The following TMEM163 variants were observed in gnomAD, a reference collection of about 807,000 sequenced individuals.
TMEM163 encodes the protein transmembrane protein 163.
TMEM163 carries 17 observed loss-of-function variants against 29.3 expected under a neutral mutation model. The observed-to-expected ratio is 0.58, with a 90% CI of 0.40 to 0.87. The LOEUF (loss-of-function observed/expected upper bound fraction) is 0.87, where lower values mean the gene tolerates loss of function less well. Among genes scored for constraint, TMEM163 ranks in the 40% least tolerant of loss-of-function variants. TMEM163 has a pLI of 0.00. For missense variants in TMEM163, 303 were observed against 381.5 expected, an observed-to-expected ratio of 0.79 and a Z score of 1.71; for synonymous variants, 157 against 160.6, an observed-to-expected ratio of 0.98 and a Z score of 0.17.
chr2:134,484,199 G>A (rs1342652328), intron 5 of TMEM163, among the ~76,000 whole-genome samples: 2 of 152,016 alleles, frequency 1.3e-5, no homozygotes, highest in East Asian at 1.9e-4. Context: ...TTCCAGTCAG[G>A]GTCTGAGTGC....
intron 5 of TMEM163, among the ~76,000 whole-genome samples, chr2:134,474,256 C>A (rs143244761): frequency 7.2e-5 from 11 of 152,192 alleles, no homozygotes; most frequent in Non-Finnish European, 1.3e-4. Context: ...AAAAGAAAGC[C>A]CATATAATCA....
chr2:134,635,078 T>C (rs1289750191), intron 2 of TMEM163, among the ~76,000 whole-genome samples: 1 of 152,206 alleles, frequency 6.6e-6, no homozygotes, highest in Non-Finnish European at 1.5e-5. Flanking sequence ...GGAAAGACAG[T>C]GAGATTGGCT....
chr2:134,674,486 GGCGCGCGCGCGCGC>G (rs752979552), intron 2 of TMEM163, among the ~76,000 whole-genome samples: 38 of 91,606 alleles, frequency 4.1e-4, no homozygotes, highest in African/African-American at 1.2e-3. Flanking sequence ...TGGGACTACA[GGCGCGCGCGCGCGC>G]GCGCGCGCGC....
intron 2 of TMEM163, among the ~76,000 whole-genome samples, chr2:134,582,975 T>G (rs944032085): frequency 6.6e-6 from 1 of 152,228 alleles, no homozygotes; most frequent in African/African-American, 2.4e-5. Context: ...GGGACCATTC[T>G]TCCTATAAAA....
intron 2 of TMEM163, among the ~76,000 whole-genome samples, chr2:134,650,258 A>G (rs1558978015): frequency 6.6e-6 from 1 of 152,022 alleles, no homozygotes; most frequent in African/African-American, 2.4e-5. Flanking sequence ...TTAATTTTTA[A>G]CTTCTTACCC....
At chr2:134,458,696 G>T (rs546050512) in intron 6 of TMEM163, 32 of 155,876 alleles carry the variant, frequency 2.1e-4, no homozygotes, top group Non-Finnish European at 3.1e-4. Flanking sequence ...TAAGAATGAG[G>T]TTAAATACAT....
At chr2:134,676,626 A>G (rs1684121188) in intron 2 of TMEM163, among the ~76,000 whole-genome samples, 1 of 152,156 alleles carries the variant, frequency 6.6e-6, no homozygotes, top group Non-Finnish European at 1.5e-5. Context: ...CTCTGCCCCA[A>G]AACATTCTTC....
At chr2:134,593,051 A>T (rs1219723200) in intron 2 of TMEM163, among the ~76,000 whole-genome samples, 1 of 152,156 alleles carries the variant, frequency 6.6e-6, no homozygotes, top group African/African-American at 2.4e-5. Flanking sequence ...AGGCATTTTT[A>T]AAAAGACAGG....
chr2:134,533,010 C>A (rs535676572), intron 4 of TMEM163, among the ~76,000 whole-genome samples: 13 of 152,114 alleles, frequency 8.5e-5, no homozygotes. Flanking sequence ...ACACTATGGA[C>A]GTTTAAACTC....
chr2:134,538,505 A>G (rs1680591500), intron 4 of TMEM163, among the ~76,000 whole-genome samples: 1 of 152,220 alleles, frequency 6.6e-6, no homozygotes, highest in Non-Finnish European at 1.5e-5. Flanking sequence ...ACACTAGCAC[A>G]TGGAGGGACA....
chr2:134,461,324 G>T (rs1686529893), intron 6 of TMEM163, among the ~76,000 whole-genome samples: 1 of 151,152 alleles, frequency 6.6e-6, no homozygotes, highest in South Asian at 2.1e-4. Flanking sequence ...AAAGTTTCTT[G>T]TGTGCTTGAA....
At chr2:134,498,663 G>A (rs1024606381) in intron 5 of TMEM163, among the ~76,000 whole-genome samples, 8 of 152,170 alleles carry the variant, frequency 5.3e-5, no homozygotes, top group Non-Finnish European at 1.0e-4. Context: ...CAAGGTAGTG[G>A]AGGCACACCC....
chr2:134,704,265 G>C (rs1684760759), intron 2 of TMEM163, among the ~76,000 whole-genome samples: 1 of 152,162 alleles, frequency 6.6e-6, no homozygotes. Flanking sequence ...ATGCCTTGGT[G>C]TGTCTCCTAA....
At chr2:134,657,320 T>C (rs1683643425) in intron 2 of TMEM163, among the ~76,000 whole-genome samples, 1 of 152,216 alleles carries the variant, frequency 6.6e-6, no homozygotes. Flanking sequence ...GACTCAGTCT[T>C]GGCAAGTTGT....
intron 4 of TMEM163, among the ~76,000 whole-genome samples, chr2:134,531,345 C>A (rs190215962): frequency 1.3e-5 from 2 of 152,326 alleles, no homozygotes; most frequent in Non-Finnish European, 2.9e-5. Context: ...TTTCCCCACA[C>A]ACTAAGCAAG....
chr2:134,485,922 G>T lies in TMEM163; in HGVS notation c.555+16979C>A, dbSNP rs529088104. On this transcript the variant is annotated intron_variant, in intron 5 of 7. Coordinates refer to ENST00000281924, the MANE Select transcript of TMEM163 (RefSeq NM_030923.5). ...TCGGAGTGAATAACCAGGGATACAT[G>T]CCCCTCACACTGGGTAGCACACCTG... Among the ~76,000 whole-genome samples, 215 of 152,212 alleles carry T rather than the reference G, an allele frequency of 1.4e-3. 2 individuals are homozygous for T. Among genetic ancestry groups the T allele is most frequent in the African/African-American group, 5.0e-3 (209 of 41,520 alleles).
chr2:134,688,431 T>C (rs971858724), intron 2 of TMEM163, among the ~76,000 whole-genome samples: 1 of 152,186 alleles, frequency 6.6e-6, no homozygotes, highest in Non-Finnish European at 1.5e-5. Context: ...TATGACAAAT[T>C]AGAAATAATC....
chr2:134,563,802 C>T (rs1681234302), intron 2 of TMEM163, among the ~76,000 whole-genome samples: 3 of 152,150 alleles, frequency 2.0e-5, no homozygotes, highest in Admixed American at 6.5e-5. Flanking sequence ...CACCTGTAAT[C>T]CCAGCACTTT....
At chr2:134,515,764 CA>C (rs777609768) in intron 4 of TMEM163, among the ~76,000 whole-genome samples, 7 of 151,954 alleles carry the variant, frequency 4.6e-5, no homozygotes, top group African/African-American at 9.7e-5. Context: ...AATCTAAACC[CA>C]GGGGGAAATT....
Sources: allele counts gnomAD v4.1 joint callset (sites outside exome capture counted in the v4.1 genomes callset), GRCh38; gene constraint gnomAD v4.1.1; transcripts MANE v1.5; gene names NCBI Gene and HGNC (gene_info 2026-07-23, HGNC 2026-07-21).